Variants in SLC1A1 observed in about 807,000 individuals in gnomAD.
SLC1A1 encodes solute carrier family 1 member 1, also known as excitatory amino acid transporter 3.
SLC1A1 carries 43 observed loss-of-function variants against 53.3 expected under a neutral mutation model. The ratio of observed to expected loss-of-function variants is 0.81; its 90% CI spans 0.63 to 1.04. The LOEUF (loss-of-function observed/expected upper bound fraction) is 1.04, where lower values mean the gene tolerates loss of function less well. Ranked by LOEUF, SLC1A1 falls within the 50% of genes least tolerant of loss-of-function variation. The pLI is 0.00. For missense variants in SLC1A1, 748 were observed against 664.9 expected, an observed-to-expected ratio of 1.12 and a Z score of -1.37; for synonymous variants, 307 against 243.2, an observed-to-expected ratio of 1.26 and a Z score of -2.44.
intron 1 of SLC1A1, among the ~76,000 whole-genome samples, chr9:4,521,641 G>C (rs1257677570): frequency 3.3e-5 from 5 of 152,198 alleles, no homozygotes; most frequent in African/African-American, 1.2e-4. Context: ...TTTGCTGTTT[G>C]AGACGGTATG....
intron 9 of SLC1A1, 53 bp downstream of exon 9, chr9:4,576,176 T>C (rs1426895614): frequency 3.2e-6 from 5 of 1,569,370 alleles, no homozygotes; most frequent in Non-Finnish European, 4.4e-6. Context: ...CGTTATCAAC[T>C]CTCACCTCAC....
intron 2 of SLC1A1, among the ~76,000 whole-genome samples, chr9:4,550,385 T>C (rs1260814689): frequency 6.6e-6 from 1 of 152,206 alleles, no homozygotes. Flanking sequence ...GGTTTTCTAC[T>C]ACTTTTTGTT....
At chr9:4,533,304 G>C (rs190771493) in intron 1 of SLC1A1, among the ~76,000 whole-genome samples, 2 of 152,294 alleles carry the variant, frequency 1.3e-5, no homozygotes, top group Admixed American at 1.3e-4. Flanking sequence ...TCAGTGTGCT[G>C]TATTCAGGAA....
rs548893502 is a variant in SLC1A1, at chr9:4,533,390, C to G, written c.92-11177C>G. On this transcript the variant is annotated intron_variant, in intron 1 of 11. Transcript: ENST00000262352. ...GAAGATCTACCAAGCAAATGGAAAA[C>G]AAAAAAAGGCAGGGGTTGCAATCCT... is the stretch of plus-strand genomic sequence containing the variant. 5.2e-3 allele frequency among the ~76,000 whole-genome samples: 786 copies of G among 151,626 alleles called. 7 individuals carry two copies. The highest frequency in any genetic ancestry group is 5.2e-3 in the Non-Finnish European group (356 of 67,856).
At chr9:4,514,338 C>A (rs1009927392) in intron 1 of SLC1A1, among the ~76,000 whole-genome samples, 2 of 152,104 alleles carry the variant, frequency 1.3e-5, no homozygotes, top group African/African-American at 4.8e-5. Flanking sequence ...CTTGAGTGGC[C>A]TGATGCTGCC....
chr9:4,531,628 G>C (rs571700349), intron 1 of SLC1A1, among the ~76,000 whole-genome samples: 1 of 152,160 alleles, frequency 6.6e-6, no homozygotes, highest in South Asian at 2.1e-4. Context: ...CCACCTCTAG[G>C]GGCAGGGCAG....
intron 6 of SLC1A1, among the ~76,000 whole-genome samples, chr9:4,571,801 C>T (rs947910552): frequency 2.0e-5 from 3 of 152,192 alleles, no homozygotes; most frequent in Admixed American, 1.3e-4. Context: ...AAAGTGTTCA[C>T]ACTGGTAAGT....
intron 2 of SLC1A1, among the ~76,000 whole-genome samples, chr9:4,550,764 C>G (rs1363794586): frequency 6.6e-6 from 1 of 152,110 alleles, no homozygotes; most frequent in African/African-American, 2.4e-5. Context: ...TAAACAACAG[C>G]CAGATGTAGA....
At chr9:4,572,156 C>T (rs773052255) in intron 6 of SLC1A1, 48 bp from the exon 7 acceptor site, 1 of 1,513,034 alleles carries the variant, frequency 6.6e-7, no homozygotes, top group Admixed American at 1.7e-5. Context: ...TGCTTTCTAA[C>T]AAGATTATAA....
At chr9:4,553,009 T>C (rs76222847) in intron 2 of SLC1A1, among the ~76,000 whole-genome samples, 4 of 152,160 alleles carry the variant, frequency 2.6e-5, no homozygotes, top group East Asian at 1.9e-4. Context: ...TTCACCAGCA[T>C]GTAAGAAGCT....
rs140716497 is a variant in SLC1A1, at chr9:4,553,658, C to T, written c.233-7791C>T. On this transcript the variant is annotated intron_variant, in intron 2 of 11. Transcript: ENST00000262352. ...CTGGGATTACAGGCATGAACCACTG[C>T]ACCTGGAGAGCCCACTGCTTCTTGA... 825 of 152,372 alleles carry T rather than the reference C, an allele frequency of 5.4e-3. 3 individuals are homozygous for T. Among genetic ancestry groups the T allele is most frequent in the Non-Finnish European group, 8.3e-3 (562 of 68,098 alleles). The allele number at this position is 152,372 out of a possible 1,614,324, so 9.4% of individuals were successfully genotyped here.
At chr9:4,496,048 T>A (rs1474226684) in intron 1 of SLC1A1, among the ~76,000 whole-genome samples, 1 of 152,086 alleles carries the variant, frequency 6.6e-6, no homozygotes, top group Non-Finnish European at 1.5e-5. Flanking sequence ...AGACAGCATG[T>A]CAGGGACCTG....
At chr9:4,552,026 G>A (rs980519881) in intron 2 of SLC1A1, among the ~76,000 whole-genome samples, 4 of 152,214 alleles carry the variant, frequency 2.6e-5, no homozygotes, top group Admixed American at 6.5e-5. Context: ...AGACAGTGAA[G>A]CCCAGAGAAT....
intron 1 of SLC1A1, among the ~76,000 whole-genome samples, chr9:4,528,174 T>A (rs1293463358): frequency 6.6e-6 from 1 of 152,120 alleles, no homozygotes; most frequent in East Asian, 1.9e-4. Flanking sequence ...GGGAAAGACA[T>A]CTGCAGGAAC....
chr9:4,514,036 T>G (rs759145567), intron 1 of SLC1A1, among the ~76,000 whole-genome samples: 37 of 152,284 alleles, frequency 2.4e-4, no homozygotes, highest in South Asian at 4.1e-4. Context: ...AGGTTAGGAA[T>G]GGAGAAAGGT....
intron 1 of SLC1A1, among the ~76,000 whole-genome samples, chr9:4,530,316 A>G (rs1231514472): frequency 6.6e-6 from 1 of 152,198 alleles, no homozygotes; most frequent in African/African-American, 2.4e-5. Context: ...ATGGACCACT[A>G]ATTAAAGCAC....
At chr9:4,511,736 C>T (rs1275031103) in intron 1 of SLC1A1, among the ~76,000 whole-genome samples, 1 of 151,858 alleles carries the variant, frequency 6.6e-6, no homozygotes, top group African/African-American at 2.4e-5. Context: ...TGCAACAGGG[C>T]AAGAAAAAGA....
intron 1 of SLC1A1, among the ~76,000 whole-genome samples, chr9:4,493,205 G>A: frequency 6.6e-6 from 1 of 152,136 alleles, no homozygotes; most frequent in East Asian, 1.9e-4. Context: ...CCTTCAGATG[G>A]CAACAAAGGG....
At chr9:4,568,212 G>T (rs1819668042) in intron 6 of SLC1A1, among the ~76,000 whole-genome samples, 1 of 151,952 alleles carries the variant, frequency 6.6e-6, no homozygotes, top group Non-Finnish European at 1.5e-5. Flanking sequence ...TTGAGCCCAG[G>T]AGTTCCAGAC....
Sources: gnomAD v4.1 joint callset for allele counts (sites outside exome capture counted in the v4.1 genomes callset) on GRCh38, gnomAD v4.1.1 for gene constraint, MANE v1.5 for transcripts, NCBI Gene and HGNC (gene_info 2026-07-23, HGNC 2026-07-21) for gene names.